Variants in DST observed in about 807,000 individuals in gnomAD.
DST encodes dystonin, also known as bullous pemphigoid antigen.
A neutral mutation model predicts 875.2 loss-of-function variants in DST; 253 were observed. The ratio of observed to expected loss-of-function variants is 0.29; its 90% confidence interval spans 0.26 to 0.32. The LOEUF is 0.32. Among genes scored for constraint, DST ranks in the 10% least tolerant of loss-of-function variants. The pLI is 1.00. For synonymous variants in DST, 3,124 were observed against 3,197.1 expected, an observed-to-expected ratio of 0.98 and a Z score of 0.77; for missense variants, 8,287 against 9,111.6, an observed-to-expected ratio of 0.91 and a Z score of 3.68.
At chr6:56,475,584 G>T (rs986757817) in intron 92 of DST, among the ~76,000 whole-genome samples, 1 of 152,190 alleles carries the variant, frequency 6.6e-6, no homozygotes, top group Non-Finnish European at 1.5e-5. Flanking sequence ...AGGATATATA[G>T]GAAGGCTGCT....
chr6:56,603,477 A>G (rs2098464702), intron 41 of DST, 57 bp from the exon 42 acceptor site: 2 of 1,594,496 alleles, frequency 1.3e-6, no homozygotes, highest in African/African-American at 1.4e-5. Flanking sequence ...CCAAATATAA[A>G]CATGAAACAT....
chr6:56,747,245 A>C (rs542476957), intron 4 of DST, among the ~76,000 whole-genome samples: 1 of 152,262 alleles, frequency 6.6e-6, no homozygotes, highest in South Asian at 2.1e-4. Flanking sequence ...CTGAGATGTA[A>C]ACTACAAATG....
chr6:56,801,113 T>C (rs2099746255), intron 4 of DST, among the ~76,000 whole-genome samples: 1 of 151,950 alleles, frequency 6.6e-6, no homozygotes, highest in African/African-American at 2.4e-5. Context: ...TTTTACATTA[T>C]GTTGCCCCAA....
intron 10 of DST, among the ~76,000 whole-genome samples, chr6:56,651,650 C>CCATT (rs1007182689): frequency 1.3e-4 from 20 of 152,142 alleles, no homozygotes; most frequent in Admixed American, 1.3e-3. Context: ...CATGGCCTCC[C>CCATT]CATTGCACCA....
rs1303026533 is a variant in DST, at chr6:56,692,930, G to A, written c.1047+6723C>T. The A allele has an allele frequency of 1.6e-5, 21 of 1,289,598 alleles. No homozygotes were observed. In the East Asian group the frequency reaches 8.9e-4, roughly 54 times the overall value. The allele number at this position is 1,289,598 out of a possible 1,614,324, so 79.9% of individuals were successfully genotyped here. On this transcript the variant is annotated intron_variant, in intron 9 of 103. Transcript: ENST00000680361. Reference sequence around the variant, plus strand: ...TGCTGTACCAGTCCCCTGGATAAAGGAGCTGGCTGTTCTTTTGAAGGCTGA... The same window carrying A: ...TGCTGTACCAGTCCCCTGGATAAAGAAGCTGGCTGTTCTTTTGAAGGCTGA...
At chr6:56,874,440 TC>T (rs1332488362) in intron 3 of DST, among the ~76,000 whole-genome samples, 2 of 152,266 alleles carry the variant, frequency 1.3e-5, no homozygotes, top group Non-Finnish European at 2.9e-5. Context: ...CATCTTACTT[TC>T]TTTTCATCCC....
chr6:56,746,841 T>C (rs1297549482), intron 4 of DST, among the ~76,000 whole-genome samples: 1 of 152,116 alleles, frequency 6.6e-6, no homozygotes, highest in Non-Finnish European at 1.5e-5. Flanking sequence ...TAGAAAAAAA[T>C]ACTGAGACAC....
At chr6:56,878,247 G>T (rs959936390) in intron 3 of DST, among the ~76,000 whole-genome samples, 16 of 152,144 alleles carry the variant, frequency 1.1e-4, no homozygotes, top group Non-Finnish European at 2.9e-5. Flanking sequence ...AGAGAGGTTG[G>T]TGTGCATATC....
intron 4 of DST, among the ~76,000 whole-genome samples, chr6:56,850,278 G>A (rs780999809): frequency 1.3e-5 from 2 of 152,050 alleles, no homozygotes; most frequent in South Asian, 2.1e-4. Flanking sequence ...TGTTTTTCCC[G>A]TAATCAGAAA....
chr6:56,686,419 T>C lies in DST; in HGVS notation c.1047+13234A>G, dbSNP rs568697108. Among the ~76,000 whole-genome samples, 9 of 152,342 alleles carry C rather than the reference T, an allele frequency of 5.9e-5. No individual in the cohort carries two copies. The South Asian group carries it at 8.3e-4, about 14-fold the overall frequency. On this transcript the variant is annotated intron_variant, in intron 9 of 103. Coordinates refer to ENST00000680361, the MANE Select transcript of DST (RefSeq NM_001374736.1). Reference sequence around the variant, plus strand: ...TATACCCATGTAGCAAACCTGCACATGTACCCACTGAATCTTAAATATTTT... The same window carrying C: ...TATACCCATGTAGCAAACCTGCACACGTACCCACTGAATCTTAAATATTTT...
intron 5 of DST, among the ~76,000 whole-genome samples, chr6:56,707,694 T>C (rs1008084251): frequency 6.6e-6 from 1 of 152,188 alleles, no homozygotes; most frequent in Non-Finnish European, 1.5e-5. Flanking sequence ...TCTGAACACT[T>C]ATCTCATAGT....
intron 5 of DST, among the ~76,000 whole-genome samples, chr6:56,710,278 G>C (rs1589014239): frequency 6.6e-6 from 1 of 152,088 alleles, no homozygotes; most frequent in East Asian, 1.9e-4. Flanking sequence ...CTGCAGTAGG[G>C]AGCAAAACAT....
At chr6:56,863,909 CTATT>C (rs1368121390) in intron 3 of DST, 1 of 152,158 alleles carries the variant, frequency 6.6e-6, no homozygotes. Flanking sequence ...CTTTAAAAGT[CTATT>C]TAGTGAAAAT....
intron 9 of DST, 64 bp downstream of exon 9, chr6:56,699,589 C>G: frequency 1.4e-6 from 1 of 734,838 alleles, no homozygotes; most frequent in Non-Finnish European, 2.3e-6. Context: ...GCATCATTCA[C>G]CCTTCATAGG....
intron 4 of DST, among the ~76,000 whole-genome samples, chr6:56,849,286 G>T (rs886290748): frequency 6.6e-6 from 1 of 151,592 alleles, no homozygotes; most frequent in Non-Finnish European, 1.5e-5. Flanking sequence ...ACAGGCACAC[G>T]CCACCACGCC....
At chr6:56,801,187 A>G (rs947386681) in intron 4 of DST, among the ~76,000 whole-genome samples, 2 of 152,168 alleles carry the variant, frequency 1.3e-5, no homozygotes, top group Non-Finnish European at 2.9e-5. Flanking sequence ...GGATTTCATC[A>G]GTTTTTCATT....
rs181105943 is a variant in DST, at chr6:56,489,917, G to C, written c.20758-308C>G. ...AACTTCTTCCTTATACTTTCTTCTTGTTCAATAATTAACATAAACTCTCAG... is the reference window on the plus strand; with the variant it reads ...AACTTCTTCCTTATACTTTCTTCTTCTTCAATAATTAACATAAACTCTCAG... On this transcript the variant is annotated intron_variant, in intron 85 of 103. Transcript: ENST00000680361. Among the ~76,000 whole-genome samples the C allele has an allele frequency of 3.2e-3, 481 of 152,166 alleles. 3 individuals are homozygous for C. Among genetic ancestry groups the C allele is most frequent in the African/African-American group, 0.011 (465 of 41,542 alleles).
In DST at chr6:56,606,759, A is replaced by G. The variant is rs779298209; in HGVS notation, c.7869T>C (p.His2623=). ...YDTPLFEDDD[H]DSLLLDGDDR... ...CATCACCATCAAGAAGCAAAGAATC[A>G]TGGTCATCATCTTCAAACAAGGGAG... The change falls in exon 40 of 104, where the codon CAT becomes CAC. Residue 2623 remains histidine, a synonymous_variant. Transcript: ENST00000680361. 2 of 1,613,336 alleles carry G rather than the reference A, an allele frequency of 1.2e-6. No individual in the cohort carries two copies. The highest frequency in any genetic ancestry group is 2.7e-5 in the African/African-American group (2 of 74,898).
chr6:56,642,398 A>C lies in DST; in HGVS notation c.1872+12T>G. The C allele has an allele frequency of 6.3e-7, 1 of 1,599,368 alleles. No individual in the cohort carries two copies. Among genetic ancestry groups the C allele is most frequent in the Non-Finnish European group, 8.6e-7 (1 of 1,166,644 alleles). ...TCTACCACAACCCCAATGGCTCCTA[A>C]AATTAACTTACAGACTGAAGAGCAT... On this transcript the variant is annotated intron_variant, in intron 16 of 103. Coordinates refer to ENST00000680361, the MANE Select transcript of DST (RefSeq NM_001374736.1).
Sources: gnomAD v4.1 joint callset for allele counts (sites outside exome capture counted in the v4.1 genomes callset) on GRCh38, gnomAD v4.1.1 for gene constraint, MANE v1.5 for transcripts, NCBI Gene and HGNC (gene_info 2026-07-23, HGNC 2026-07-21) for gene names.